CYTH3: variants seen among roughly 807,000 people sequenced by gnomAD.
CYTH3 encodes cytohesin 3.
Under a neutral mutation model 55.1 loss-of-function variants are expected in CYTH3, and 23 were observed. That is an observed-to-expected ratio of 0.42 (90% confidence interval 0.30 to 0.59). CYTH3 has a LOEUF of 0.59. Among genes scored for constraint, CYTH3 ranks in the 20% least tolerant of loss-of-function variants. The probability of loss-of-function intolerance (pLI) is 0.20; values close to 1 mark genes in which losing one functional copy is unlikely to be tolerated. For synonymous variants in CYTH3, 249 were observed against 194.9 expected, an observed-to-expected ratio of 1.28 and a Z score of -2.31; for missense variants, 413 against 524.8, an observed-to-expected ratio of 0.79 and a Z score of 2.08.
intron 4 of CYTH3, among the ~76,000 whole-genome samples, chr7:6,184,983 G>A (rs977938519): frequency 6.6e-6 from 1 of 152,112 alleles, no homozygotes; most frequent in Non-Finnish European, 1.5e-5. Flanking sequence ...CACTACTTGG[G>A]TCCCCTTAAA....
intron 1 of CYTH3, among the ~76,000 whole-genome samples, chr7:6,242,108 G>C (rs1233070185): frequency 6.6e-6 from 1 of 151,928 alleles, no homozygotes; most frequent in Non-Finnish European, 1.5e-5. Context: ...ATGGAGTCTC[G>C]CTCTGTCACC....
At chr7:6,261,304 T>C (rs1780346759) in intron 1 of CYTH3, among the ~76,000 whole-genome samples, 1 of 152,122 alleles carries the variant, frequency 6.6e-6, no homozygotes, top group Non-Finnish European at 1.5e-5. Context: ...AAATTAGAGT[T>C]CAGGGGCTGC....
intron 1 of CYTH3, among the ~76,000 whole-genome samples, chr7:6,207,751 A>G (rs759273573): frequency 3.3e-5 from 5 of 152,156 alleles, no homozygotes; most frequent in Non-Finnish European, 7.4e-5. Flanking sequence ...GATGTTCAAG[A>G]CCAGCCTGGG....
At chr7:6,202,642 T>C (rs1784082650) in intron 1 of CYTH3, among the ~76,000 whole-genome samples, 1 of 152,104 alleles carries the variant, frequency 6.6e-6, no homozygotes, top group Admixed American at 6.6e-5. Context: ...TTTGTTTTTT[T>C]AGTAGAAAAG....
intron 5 of CYTH3, among the ~76,000 whole-genome samples, chr7:6,174,695 C>T (rs1029074587): frequency 6.6e-6 from 1 of 151,920 alleles, no homozygotes; most frequent in Non-Finnish European, 1.5e-5. Flanking sequence ...CTACAGGCAC[C>T]CGCCAGCACG....
intron 4 of CYTH3, among the ~76,000 whole-genome samples, chr7:6,182,010 G>C (rs996510384): frequency 1.3e-5 from 2 of 151,786 alleles, no homozygotes; most frequent in East Asian, 1.9e-4. Flanking sequence ...ACTATAAAAA[G>C]TTTCCTCCTA....
At chr7:6,234,942 T>C (rs1426434504) in intron 1 of CYTH3, among the ~76,000 whole-genome samples, 1 of 152,198 alleles carries the variant, frequency 6.6e-6, no homozygotes, top group East Asian at 1.9e-4. Context: ...CTTCCCCAGC[T>C]ACTCAGCAAG....
At chr7:6,263,244 T>C (rs1240154662) in intron 1 of CYTH3, among the ~76,000 whole-genome samples, 1 of 152,224 alleles carries the variant, frequency 6.6e-6, no homozygotes, top group Non-Finnish European at 1.5e-5. Flanking sequence ...AATACATCAT[T>C]TCTTACCCAT....
At chr7:6,206,413 T>G (rs1008072701) in intron 1 of CYTH3, among the ~76,000 whole-genome samples, 3 of 152,146 alleles carry the variant, frequency 2.0e-5, no homozygotes, top group Non-Finnish European at 4.4e-5. Flanking sequence ...CAGACAAAAC[T>G]AATTTGTGTT....
At chr7:6,264,252 GA>G (rs898754844) in intron 1 of CYTH3, among the ~76,000 whole-genome samples, 19 of 146,970 alleles carry the variant, frequency 1.3e-4, no homozygotes, top group African/African-American at 4.8e-4. Context: ...CGTCTCAAAA[GA>G]AAAAAAAACA....
At chr7:6,165,513 GC>G (rs751888653) in intron 11 of CYTH3, 31 bp downstream of exon 11, 480 of 1,611,180 alleles carry the variant, frequency 3.0e-4, no homozygotes, top group South Asian at 1.5e-3. Flanking sequence ...CAGGTGGCTG[GC>G]AGGAGAGAAG....
chr7:6,227,059 A>G (rs1208806081), intron 1 of CYTH3, among the ~76,000 whole-genome samples: 6 of 150,836 alleles, frequency 4.0e-5, no homozygotes, highest in African/African-American at 9.8e-5. Flanking sequence ...CAGCCTGGGC[A>G]ACAGAGCAAG....
intron 1 of CYTH3, among the ~76,000 whole-genome samples, chr7:6,257,072 C>T (rs912109525): frequency 3.3e-5 from 5 of 152,116 alleles, no homozygotes; most frequent in South Asian, 2.1e-4. Flanking sequence ...CCCGAGAAAA[C>T]GCAACATTTT....
chr7:6,187,757 G>A, intron 2 of CYTH3, 36 bp from the exon 3 acceptor site: 1 of 1,569,180 alleles, frequency 6.4e-7, no homozygotes, highest in Non-Finnish European at 8.8e-7. Context: ...TGGGGAGTGG[G>A]TCTTAACCTT....
chr7:6,205,851 G>A (rs1386579048), intron 1 of CYTH3, among the ~76,000 whole-genome samples: 1 of 128,180 alleles, frequency 7.8e-6, no homozygotes, highest in Non-Finnish European at 1.6e-5. Flanking sequence ...TCTAACCTGG[G>A]TGACAGAGCA....
chr7:6,177,719 T>C, intron 5 of CYTH3, 104 bp downstream of exon 5: 6 of 879,248 alleles, frequency 6.8e-6, no homozygotes, highest in Non-Finnish European at 1.1e-5. Flanking sequence ...CGTGGCTCTA[T>C]CATGCCTTTA....
At chr7:6,237,209 G>A (rs943263710) in intron 1 of CYTH3, among the ~76,000 whole-genome samples, 3 of 152,206 alleles carry the variant, frequency 2.0e-5, no homozygotes, top group Non-Finnish European at 2.9e-5. Context: ...GACTAGAACT[G>A]TTGGTCTGAT....
chr7:6,172,658 C>T (rs554172913), intron 6 of CYTH3: 4 of 1,015,740 alleles, frequency 3.9e-6, no homozygotes, highest in Non-Finnish European at 4.8e-6. Flanking sequence ...CCGGCTCTCG[C>T]CAGAGACTGA....
intron 5 of CYTH3, among the ~76,000 whole-genome samples, chr7:6,175,095 A>T (rs1311232398): frequency 6.6e-6 from 1 of 152,240 alleles, no homozygotes; most frequent in African/African-American, 2.4e-5. Context: ...TCTAGATTAT[A>T]TAAGGAGAAA....
Sources: allele counts gnomAD v4.1 joint callset (sites outside exome capture counted in the v4.1 genomes callset), GRCh38; gene constraint gnomAD v4.1.1; transcripts MANE v1.5; gene names NCBI Gene and HGNC (gene_info 2026-07-23, HGNC 2026-07-21).